The following ATP8A2 variants were observed in gnomAD, a reference collection of about 807,000 sequenced individuals.
ATP8A2 encodes the protein phospholipid-transporting ATPase IB.
Under a neutral mutation model 165.6 loss-of-function variants are expected in ATP8A2, and 100 were observed. The ratio of observed to expected loss-of-function variants is 0.60; its 90% CI spans 0.51 to 0.71. The LOEUF is 0.71. ATP8A2 is among the 30% of genes least tolerant of loss of function. The pLI, the probability that ATP8A2 is intolerant of heterozygous loss-of-function variation, is 0.00. For missense variants in ATP8A2, 1,227 were observed against 1,479.5 expected (o/e 0.83, Z 2.80); for synonymous variants, 543 against 548.8 (o/e 0.99, Z 0.15).
chr13:25,909,380 A>G (rs1954039035), intron 33 of ATP8A2, among the ~76,000 whole-genome samples: 1 of 152,236 alleles, frequency 6.6e-6, no homozygotes, highest in African/African-American at 2.4e-5. Context: ...AAAACATCAC[A>G]TCGTACCCCA....
chr13:25,686,393 G>A (rs2042602180), intron 24 of ATP8A2, among the ~76,000 whole-genome samples: 1 of 152,118 alleles, frequency 6.6e-6, no homozygotes, highest in Non-Finnish European at 1.5e-5. Flanking sequence ...ACTTTTAATG[G>A]GGAGGTGGGT....
chr13:25,399,978 G>GAGCC (rs763204401), intron 1 of ATP8A2, among the ~76,000 whole-genome samples: 1 of 147,774 alleles, frequency 6.8e-6, no homozygotes, highest in Admixed American at 6.8e-5. Context: ...TTCCTTTTTT[G>GAGCC]AGGAAGCCAT....
chr13:25,704,980 A>G (rs1158946826), intron 25 of ATP8A2, among the ~76,000 whole-genome samples: 3 of 152,178 alleles, frequency 2.0e-5, no homozygotes, highest in Non-Finnish European at 4.4e-5. Flanking sequence ...TGCTTTTCAC[A>G]TATTTTTCAA....
chr13:25,501,794 C>T (rs116869358), intron 2 of ATP8A2, among the ~76,000 whole-genome samples: 4 of 152,196 alleles, frequency 2.6e-5, no homozygotes, highest in East Asian at 3.9e-4. Context: ...GGGAAGGGAG[C>T]GTTTGTCCTC....
intron 15 of ATP8A2, among the ~76,000 whole-genome samples, chr13:25,563,181 G>A (rs61948641): frequency 0.68 from 102,757 of 151,152 alleles, 35,961 homozygotes; most frequent in Middle Eastern, 0.72. Flanking sequence ...AGGCCGAGGT[G>A]GGTGGATCAC....
intron 1 of ATP8A2, among the ~76,000 whole-genome samples, chr13:25,456,745 G>GT (rs2035373661): frequency 6.6e-6 from 1 of 152,194 alleles, no homozygotes; most frequent in Non-Finnish European, 1.5e-5. Context: ...CAGGGAGAGG[G>GT]TTTTTTAACT....
At chr13:25,555,696 G>A (rs1031638896) in intron 13 of ATP8A2, among the ~76,000 whole-genome samples, 1 of 151,898 alleles carries the variant, frequency 6.6e-6, no homozygotes, top group Non-Finnish European at 1.5e-5. Flanking sequence ...ATATTATGTG[G>A]TGCTGAGGTT....
At chr13:26,011,340 T>C (rs970267614) in intron 35 of ATP8A2, among the ~76,000 whole-genome samples, 1 of 152,208 alleles carries the variant, frequency 6.6e-6, no homozygotes, top group Non-Finnish European at 1.5e-5. Context: ...TATGCCTGTG[T>C]CCTCATCTCC....
intron 2 of ATP8A2, among the ~76,000 whole-genome samples, chr13:25,476,541 T>G (rs1380517872): frequency 6.6e-6 from 1 of 152,148 alleles, no homozygotes; most frequent in African/African-American, 2.4e-5. Flanking sequence ...CCATCTGCCC[T>G]GGCCTCCCAA....
intron 33 of ATP8A2, among the ~76,000 whole-genome samples, chr13:25,898,271 T>G (rs758575266): frequency 3.9e-4 from 59 of 152,214 alleles, no homozygotes; most frequent in Non-Finnish European, 7.9e-4. Flanking sequence ...GCAGGTCTGT[T>G]GGAATTTACT....
chr13:25,465,959 C>T (rs1390714934), intron 1 of ATP8A2, among the ~76,000 whole-genome samples: 4 of 151,578 alleles, frequency 2.6e-5, no homozygotes, highest in Non-Finnish European at 4.4e-5. Context: ...TTATGTCCAT[C>T]CTTTTATCCC....
intron 30 of ATP8A2, among the ~76,000 whole-genome samples, chr13:25,849,250 T>C (rs1449424331): frequency 6.6e-6 from 1 of 152,212 alleles, no homozygotes; most frequent in African/African-American, 2.4e-5. Context: ...GTTCAGGTGT[T>C]CCACTGATTC....
chr13:25,543,251 C>A, intron 9 of ATP8A2, 40 bp from the exon 10 acceptor site: 1 of 1,292,094 alleles, frequency 7.7e-7, no homozygotes, highest in Non-Finnish European at 1.1e-6. Context: ...GCTTATTTTC[C>A]AGACTATCAT....
intron 14 of ATP8A2, 55 bp downstream of exon 14, chr13:25,559,116 G>A: frequency 1.6e-6 from 2 of 1,265,578 alleles, no homozygotes; most frequent in Non-Finnish European, 2.3e-6. Flanking sequence ...AAGAAAATAA[G>A]TTTATTTTTA....
intron 25 of ATP8A2, among the ~76,000 whole-genome samples, chr13:25,768,076 T>TGGGGGGGGG (rs397942177): frequency 1.6e-4 from 8 of 49,262 alleles, no homozygotes; most frequent in South Asian, 1.2e-3. Context: ...TGTGGTGGCG[T>TGGGGGGGGG]GGGGGGGGGG....
chr13:25,512,736 G>A (rs2037286072), intron 2 of ATP8A2, among the ~76,000 whole-genome samples: 2 of 134,318 alleles, frequency 1.5e-5, no homozygotes, highest in South Asian at 2.4e-4. Context: ...GCGGGGGGCT[G>A]ACCCCCCCCA....
At chr13:25,918,748 T>G (rs1954343053) in intron 33 of ATP8A2, among the ~76,000 whole-genome samples, 1 of 152,230 alleles carries the variant, frequency 6.6e-6, no homozygotes, top group African/African-American at 2.4e-5. Context: ...TTGGCACTTG[T>G]CTCCCATCCC....
At position 26,023,187 on chromosome 13, in the gene ATP8A2, G is replaced by C. The variant is rs1022053273; in HGVS notation, c.*3202G>C. The C allele has an allele frequency of 1.3e-5, 2 of 152,246 alleles. No individual in the cohort carries two copies. Among genetic ancestry groups the C allele is most frequent in the Non-Finnish European group, 2.9e-5 (2 of 68,082 alleles). 9.4% of individuals were successfully genotyped at this position (152,246 alleles called of 1,614,324 possible). The stretch of plus-strand genomic sequence containing the variant: ...CCTGCCTCAGTGCAGAATATTCCAG[G>C]CTTCTTGACCAGGGTTATGTTCACC... On this transcript the variant is annotated 3_prime_UTR_variant, in exon 37 of 37. Coordinates refer to ENST00000381655, the MANE Select transcript of ATP8A2 (RefSeq NM_016529.6).
At chr13:25,828,084 G>C (rs753016854) in intron 27 of ATP8A2, 34 bp from the exon 28 acceptor site, 29 of 1,543,804 alleles carry the variant, frequency 1.9e-5, no homozygotes, top group Non-Finnish European at 2.6e-5. Flanking sequence ...GGTCAATATT[G>C]ATATAAAACT....
Sources: allele counts gnomAD v4.1 joint callset (sites outside exome capture counted in the v4.1 genomes callset), GRCh38; gene constraint gnomAD v4.1.1; transcripts MANE v1.5; gene names NCBI Gene and HGNC (gene_info 2026-07-23, HGNC 2026-07-21).